Variants in GPHN observed in about 807,000 individuals in gnomAD.
GPHN encodes the protein gephyrin.
GPHN carries 17 observed loss-of-function variants against 95.5 expected under a neutral mutation model. The observed-to-expected ratio is 0.18, with a 90% CI of 0.12 to 0.27. The LOEUF (loss-of-function observed/expected upper bound fraction) is 0.27. Among genes scored for constraint, GPHN ranks in the 10% least tolerant of loss-of-function variants. GPHN has a pLI of 1.00. For missense variants in GPHN, 660 were observed against 978.1 expected (o/e 0.67, Z 4.34); for synonymous variants, 320 against 322.5 (o/e 0.99, Z 0.08).
chr14:66,979,157 G>A (rs2070476057), intron 9 of GPHN, among the ~76,000 whole-genome samples: 1 of 152,170 alleles, frequency 6.6e-6, no homozygotes, highest in Non-Finnish European at 1.5e-5. Context: ...CTTCCAGAAT[G>A]GTCACTAATC....
At chr14:67,506,346 G>A in the GPHN span, among the ~76,000 whole-genome samples, 23 of 152,218 alleles carry the variant, frequency 1.5e-4, no homozygotes, top group Non-Finnish European at 3.1e-4. Flanking sequence ...ACCAGGGAAA[G>A]AACTAATCCC....
chr14:66,571,081 G>A (rs1595022242), intron 1 of GPHN, among the ~76,000 whole-genome samples: 1 of 152,164 alleles, frequency 6.6e-6, no homozygotes, highest in Admixed American at 6.5e-5. Flanking sequence ...CCAAGACTAG[G>A]TAATTTATAA....
chr14:67,705,122 A>G, the GPHN span, among the ~76,000 whole-genome samples: 16 of 152,362 alleles, frequency 1.1e-4, no homozygotes, highest in African/African-American at 3.6e-4. Flanking sequence ...AGACACGCCA[A>G]TAAAGCTGGG....
At chr14:66,755,582 CTTTATGA>C (rs1286565655) in intron 2 of GPHN, among the ~76,000 whole-genome samples, 1 of 151,936 alleles carries the variant, frequency 6.6e-6, no homozygotes, top group Non-Finnish European at 1.5e-5. Flanking sequence ...AGGTACCTTT[CTTTATGA>C]TTTATGGTTC....
At chr14:67,586,188 G>A in the GPHN span, 1 of 1,408,576 alleles carries the variant, frequency 7.1e-7, no homozygotes, top group Non-Finnish European at 1.0e-6. Flanking sequence ...CTAGTGCTCT[G>A]CAAGGGCCCT....
the GPHN span, among the ~76,000 whole-genome samples, chr14:67,329,592 C>T: frequency 6.6e-6 from 1 of 152,106 alleles, no homozygotes; most frequent in Non-Finnish European, 1.5e-5. Flanking sequence ...TTTGTCCATT[C>T]AGTATGATAT....
intron 4 of GPHN, chr14:66,842,776 G>T (rs1197413100): frequency 2.4e-6 from 3 of 1,245,058 alleles, no homozygotes; most frequent in Non-Finnish European, 3.3e-6. Flanking sequence ...TAGTGTTTTG[G>T]TTTCTTTTAT....
At chr14:67,693,532 C>G in the GPHN span, among the ~76,000 whole-genome samples, 11 of 151,592 alleles carry the variant, frequency 7.3e-5, no homozygotes, top group African/African-American at 2.7e-4. Flanking sequence ...AAAAAACACA[C>G]CCACACGCAT....
At position 66,916,041 on chromosome 14, in the gene GPHN, A is replaced by G. The variant is rs2065880379; in HGVS notation, c.428A>G (p.Asn143Ser). 1 of 1,603,828 alleles carries G rather than the reference A, an allele frequency of 6.2e-7. No homozygotes were observed. Among genetic ancestry groups the G allele is most frequent in the African/African-American group, 1.3e-5 (1 of 74,732 alleles). The stretch of plus-strand genomic sequence containing the variant: ...ATCAGAGGGAAAACGCTCATAATTA[A>G]CCTGCCAGGTAGCAAGAAAGGATCT... ...CGIRGKTLII[N>S]LPGSKKGSQE... The change falls in exon 6 of 23, where the codon AAC (asparagine) becomes AGC (serine). Residue 143 changes from asparagine to serine, a missense_variant. Around this residue, in one of 6 missense-constraint regions of GPHN, gnomAD observed 71 missense variants for 130.8 expected, o/e 0.54. Coordinates refer to ENST00000478722, the MANE Select transcript of GPHN (RefSeq NM_020806.5).
At chr14:66,881,763 G>T (rs555114974) in intron 5 of GPHN, among the ~76,000 whole-genome samples, 40 of 151,870 alleles carry the variant, frequency 2.6e-4, no homozygotes, top group African/African-American at 9.6e-4. Context: ...GCACTGGACT[G>T]CTGAGTGAAT....
At chr14:66,695,005 A>G (rs2068020946) in intron 2 of GPHN, among the ~76,000 whole-genome samples, 1 of 146,754 alleles carries the variant, frequency 6.8e-6, no homozygotes, top group Non-Finnish European at 1.6e-5. Flanking sequence ...CCAAAAATAC[A>G]AAAATTAGCC....
chr14:67,047,360 G>GTGTGTGTT (rs1277372679), intron 10 of GPHN, among the ~76,000 whole-genome samples: 4 of 133,588 alleles, frequency 3.0e-5, no homozygotes, highest in African/African-American at 1.1e-4. Flanking sequence ...GTGTGTGTGT[G>GTGTGTGTT]TGTTTGTTTT....
intron 11 of GPHN, among the ~76,000 whole-genome samples, chr14:67,077,996 G>A (rs965251733): frequency 5.9e-5 from 9 of 152,114 alleles, no homozygotes; most frequent in Non-Finnish European, 1.0e-4. Context: ...ATATGCATGT[G>A]TGTTTATGGT....
At chr14:66,587,945 G>A (rs1038454038) in intron 1 of GPHN, among the ~76,000 whole-genome samples, 1 of 152,220 alleles carries the variant, frequency 6.6e-6, no homozygotes, top group African/African-American at 2.4e-5. Flanking sequence ...CTGACTGGGA[G>A]ACACCTCCCA....
rs959303532 is a variant in GPHN at position 67,162,443 on chromosome 14, C to A, written c.1911-2719C>A. Reference sequence around the variant, plus strand: ...TAGAACAAAAGAAATATAAAACACACAAATACAATCTGGCTTTGCTATTTC... The same window carrying A: ...TAGAACAAAAGAAATATAAAACACAAAAATACAATCTGGCTTTGCTATTTC... On this transcript the variant is annotated intron_variant, in intron 19 of 22. Coordinates refer to ENST00000478722, the MANE Select transcript of GPHN (RefSeq NM_020806.5). 3.9e-5 allele frequency among the ~76,000 whole-genome samples: 6 copies of A among 152,134 alleles called. No individual in the cohort carries two copies. The East Asian group carries it at 9.6e-4, about 24-fold the overall frequency.
the GPHN span, among the ~76,000 whole-genome samples, chr14:67,242,417 C>T: frequency 1.3e-5 from 2 of 152,044 alleles, no homozygotes; most frequent in East Asian, 1.9e-4. Context: ...ATTTGACTGA[C>T]GCAGTGAAAG....
At chr14:67,330,712 C>T in the GPHN span, among the ~76,000 whole-genome samples, 1 of 151,856 alleles carries the variant, frequency 6.6e-6, no homozygotes, top group Admixed American at 6.6e-5. Context: ...CCTGCCTCAG[C>T]CTTCCAAAGT....
the GPHN span, among the ~76,000 whole-genome samples, chr14:67,283,599 A>ATT: frequency 6.6e-6 from 1 of 151,636 alleles, no homozygotes; most frequent in Admixed American, 6.6e-5. Flanking sequence ...CCTTCAGGGA[A>ATT]TTTTTTTTTA....
intron 1 of GPHN, among the ~76,000 whole-genome samples, chr14:66,619,304 A>AT (rs1377780607): frequency 6.6e-6 from 1 of 152,188 alleles, no homozygotes; most frequent in East Asian, 1.9e-4. Flanking sequence ...AAACTGCTAA[A>AT]TTGTTTCCCA....
Sources: gnomAD v4.1 joint callset for allele counts (sites outside exome capture counted in the v4.1 genomes callset) on GRCh38, gnomAD v4.1.1 for gene constraint, gnomAD v4.1.1 regional missense constraint, MANE v1.5 for transcripts, NCBI Gene and HGNC (gene_info 2026-07-23, HGNC 2026-07-21) for gene names.